CCT6B: variants seen among roughly 807,000 people sequenced by gnomAD.
CCT6B encodes chaperonin containing TCP1 subunit 6B.
A neutral mutation model predicts 61.5 loss-of-function variants in CCT6B; 49 were observed. The observed-to-expected ratio is 0.80, with a 90% CI of 0.63 to 1.01. The LOEUF (loss-of-function observed/expected upper bound fraction) is 1.01. CCT6B is among the 50% of genes least tolerant of loss of function. The pLI is 0.00. For missense variants in CCT6B, 666 were observed against 634.7 expected, an observed-to-expected ratio of 1.05 and a Z score of -0.53; for synonymous variants, 228 against 214.5, an observed-to-expected ratio of 1.06 and a Z score of -0.55.
chr17:34,930,825 TA>T, intron 12 of CCT6B, 123 bp downstream of exon 12: 1 of 402,074 alleles, frequency 2.5e-6, no homozygotes, highest in Middle Eastern at 3.9e-4. Flanking sequence ...AGCTCAAAAA[TA>T]AACTAAAGGC....
At chr17:34,946,728 T>A (rs2090228675) in intron 5 of CCT6B, among the ~76,000 whole-genome samples, 1 of 152,170 alleles carries the variant, frequency 6.6e-6, no homozygotes, top group Non-Finnish European at 1.5e-5. Flanking sequence ...GCAAAGAGAA[T>A]GACCAATCTA....
intron 10 of CCT6B, among the ~76,000 whole-genome samples, chr17:34,938,533 G>A (rs2090120622): frequency 6.6e-6 from 1 of 152,130 alleles, no homozygotes; most frequent in African/African-American, 2.4e-5. Flanking sequence ...TCTAGCCTGG[G>A]TGACAGAGCA....
chr17:34,943,020 T>G, intron 5 of CCT6B, 114 bp from the exon 6 acceptor site: 1 of 635,890 alleles, frequency 1.6e-6, no homozygotes, highest in Non-Finnish European at 2.6e-6. Flanking sequence ...ATTGTTTCCT[T>G]GTACCAATTT....
chr17:34,938,112 A>G (rs963026654), intron 10 of CCT6B, among the ~76,000 whole-genome samples: 1 of 151,638 alleles, frequency 6.6e-6, no homozygotes, highest in Non-Finnish European at 1.5e-5. Flanking sequence ...CTGGTTTCCA[A>G]CTCCTGGGCT....
At chr17:34,945,723 T>A (rs1049926740) in intron 5 of CCT6B, among the ~76,000 whole-genome samples, 1 of 152,156 alleles carries the variant, frequency 6.6e-6, no homozygotes, top group African/African-American at 2.4e-5. Flanking sequence ...GAACTTGTTA[T>A]CCTCAGCAAT....
chr17:34,960,356 T>TGTTTC (rs754258319), intron 1 of CCT6B, among the ~76,000 whole-genome samples: 18 of 152,358 alleles, frequency 1.2e-4, no homozygotes, highest in South Asian at 4.1e-4. Context: ...TACCATGTTT[T>TGTTTC]GTTTCGTTTC....
At chr17:34,950,524 A>T (rs947163374) in intron 5 of CCT6B, among the ~76,000 whole-genome samples, 7 of 152,238 alleles carry the variant, frequency 4.6e-5, no homozygotes, top group African/African-American at 1.7e-4. Flanking sequence ...AACACTTTAT[A>T]CCAAAAATTT....
chr17:34,934,237 A>T (rs1224351624), intron 10 of CCT6B, among the ~76,000 whole-genome samples: 1 of 152,192 alleles, frequency 6.6e-6, no homozygotes, highest in Admixed American at 6.5e-5. Context: ...TCAAATGACA[A>T]ATGTCAGAAA....
chr17:34,956,430 C>T (rs2090348347), intron 3 of CCT6B, among the ~76,000 whole-genome samples: 1 of 152,168 alleles, frequency 6.6e-6, no homozygotes, highest in South Asian at 2.1e-4. Flanking sequence ...TTAGGACGTC[C>T]CTCCAGCCTC....
At position 34,939,237 on chromosome 17, in the gene CCT6B, C is replaced by A; in HGVS notation, c.1159G>T (p.Val387Phe). Residue 387 changes from valine (V) to phenylalanine (F), a missense_variant, in exon 10 of 14, where the codon GTC (valine) becomes TTC (phenylalanine). Val to Phe is a conservative substitution (Grantham distance 50). Coordinates refer to ENST00000314144, the MANE Select transcript of CCT6B (RefSeq NM_006584.4). ...KGPNKHTLTQVKDAIRDGLRA... is the reference protein window; with the variant it reads ...KGPNKHTLTQFKDAIRDGLRA... ...AGTCCATCTCTTATGGCATCCTTGACTTGTGTGAGAGTATGCTTATTTGGT... is the reference window on the plus strand; with the variant it reads ...AGTCCATCTCTTATGGCATCCTTGAATTGTGTGAGAGTATGCTTATTTGGT... The A allele has an allele frequency of 6.2e-7, 1 of 1,613,898 alleles. No individual in the cohort carries two copies. Among genetic ancestry groups the A allele is most frequent in the Non-Finnish European group, 8.5e-7 (1 of 1,179,862 alleles).
intron 4 of CCT6B, among the ~76,000 whole-genome samples, chr17:34,954,003 G>A (rs929806521): frequency 6.6e-6 from 1 of 152,068 alleles, no homozygotes; most frequent in African/African-American, 2.4e-5. Context: ...TTTCCAATAT[G>A]TGAATATTAA....
chr17:34,930,962 T>C lies in CCT6B; in HGVS notation c.1437A>G (p.Val479=), dbSNP rs1324570686. 8 of 1,591,488 alleles carry C rather than the reference T, an allele frequency of 5.0e-6. No homozygotes were observed. In the African/African-American group the frequency reaches 8.1e-5, roughly 16 times the overall value. Residue 479 remains valine, a synonymous_variant, in exon 12 of 14, where the codon GTA becomes GTG. Transcript: ENST00000314144. The stretch of plus-strand genomic sequence containing the variant: ...TCACTTTCTTACCTGTATTCAAATC[T>C]ACGCCCACAAGTTGTTTTGACTCGA... The part of the protein sequence containing the change: ...EHVESKQLVG[V]DLNTGEPMVA...
At chr17:34,948,502 G>T (rs1469003725) in intron 5 of CCT6B, among the ~76,000 whole-genome samples, 2 of 151,582 alleles carry the variant, frequency 1.3e-5, no homozygotes, top group East Asian at 3.9e-4. Context: ...ATCACTTGAG[G>T]TCAGGAGTTT....
chr17:34,935,100 C>A (rs1045496304), intron 10 of CCT6B, among the ~76,000 whole-genome samples: 7 of 152,124 alleles, frequency 4.6e-5, no homozygotes, highest in Non-Finnish European at 8.8e-5. Context: ...CTGGCACATG[C>A]TACAACATGA....
chr17:34,935,881 G>C (rs902383284), intron 10 of CCT6B, among the ~76,000 whole-genome samples: 5 of 151,572 alleles, frequency 3.3e-5, no homozygotes, highest in Admixed American at 3.3e-4. Flanking sequence ...AAAATCATAT[G>C]ATCATCTCAA....
chr17:34,958,084 A>G (rs1417618175), intron 3 of CCT6B, among the ~76,000 whole-genome samples: 2 of 152,228 alleles, frequency 1.3e-5, no homozygotes, highest in Non-Finnish European at 2.9e-5. Flanking sequence ...AACGAAAGGC[A>G]TTATTTTGGC....
chr17:34,960,611 C>T (rs771179118), intron 1 of CCT6B, among the ~76,000 whole-genome samples: 10 of 152,230 alleles, frequency 6.6e-5, no homozygotes, highest in Non-Finnish European at 1.5e-4. Context: ...AAACCGTTAT[C>T]TTGATCATTT....
intron 2 of CCT6B, 108 bp from the exon 3 acceptor site, chr17:34,958,802 G>A (rs1224415768): frequency 2.7e-6 from 2 of 735,842 alleles, no homozygotes; most frequent in Non-Finnish European, 4.0e-6. Flanking sequence ...AATGAAATAA[G>A]CTTCATTCTA....
intron 3 of CCT6B, 76 bp from the exon 4 acceptor site, chr17:34,954,675 A>T (rs924356479): frequency 4.8e-5 from 60 of 1,240,004 alleles, no homozygotes; most frequent in South Asian, 7.2e-5. Flanking sequence ...TCTGATTATT[A>T]TGTTCAAAAA....
Sources: allele counts gnomAD v4.1 joint callset (sites outside exome capture counted in the v4.1 genomes callset), GRCh38; gene constraint gnomAD v4.1.1; transcripts MANE v1.5; gene names NCBI Gene and HGNC (gene_info 2026-07-23, HGNC 2026-07-21).